Variants in PLCE1 observed in about 807,000 individuals in gnomAD.
PLCE1 encodes the protein 1-phosphatidylinositol 4,5-bisphosphate phosphodiesterase epsilon-1.
A neutral mutation model predicts 242.8 loss-of-function variants in PLCE1; 119 were observed. The observed-to-expected ratio is 0.49, with a 90% CI of 0.42 to 0.57. The LOEUF (loss-of-function observed/expected upper bound fraction) is 0.57. Among genes scored for constraint, PLCE1 ranks in the 20% least tolerant of loss-of-function variants. The probability of loss-of-function intolerance (pLI) is 0.00; values close to 1 mark genes in which losing one functional copy is unlikely to be tolerated. For missense variants in PLCE1, 2,441 were observed against 2,788.8 expected (o/e 0.88, Z 2.81); for synonymous variants, 945 against 1,017.4 (o/e 0.93, Z 1.35).
At chr10:94,238,953 G>C (rs2137382040) in intron 7 of PLCE1, among the ~76,000 whole-genome samples, 1 of 152,254 alleles carries the variant, frequency 6.6e-6, no homozygotes, top group Admixed American at 6.5e-5. Context: ...CATTGCCTGG[G>C]ACTGAATTTT....
At chr10:94,132,102 A>T in intron 2 of PLCE1, 72 bp from the exon 3 acceptor site, 1 of 1,474,822 alleles carries the variant, frequency 6.8e-7, no homozygotes, top group Non-Finnish European at 9.4e-7. Flanking sequence ...TCATCTTGGC[A>T]TTTTGTCAAC....
At chr10:94,214,738 G>A (rs12571461) in intron 4 of PLCE1, among the ~76,000 whole-genome samples, 6,429 of 152,178 alleles carry the variant, frequency 0.042, 409 homozygotes, top group East Asian at 0.29. Flanking sequence ...CACCGCAAGT[G>A]AAAAAGTGAC....
intron 1 of PLCE1, among the ~76,000 whole-genome samples, chr10:94,020,569 T>C (rs1197163682): frequency 2.0e-5 from 3 of 152,216 alleles, no homozygotes; most frequent in Non-Finnish European, 4.4e-5. Flanking sequence ...AATTTTCTCT[T>C]CTGCTTTCTT....
At chr10:94,007,239 T>C (rs1353414636) in intron 1 of PLCE1, among the ~76,000 whole-genome samples, 2 of 150,764 alleles carry the variant, frequency 1.3e-5, no homozygotes, top group East Asian at 3.9e-4. Flanking sequence ...AGTTGAAAAA[T>C]CAGGACTGTA....
At chr10:94,264,208 A>G (rs1436689035) in intron 14 of PLCE1, among the ~76,000 whole-genome samples, 2 of 152,144 alleles carry the variant, frequency 1.3e-5, no homozygotes, top group Non-Finnish European at 2.9e-5. Flanking sequence ...CACTTGGAAG[A>G]GGTGGCATTT....
chr10:94,013,692 A>C (rs889784376), intron 1 of PLCE1, among the ~76,000 whole-genome samples: 1 of 152,232 alleles, frequency 6.6e-6, no homozygotes, highest in Non-Finnish European at 1.5e-5. Flanking sequence ...TGTGCAAATA[A>C]GTAATAAATA....
chr10:94,024,352 G>A (rs2061423504), intron 1 of PLCE1, among the ~76,000 whole-genome samples: 1 of 152,134 alleles, frequency 6.6e-6, no homozygotes, highest in Non-Finnish European at 1.5e-5. Context: ...TCTTTTCCGT[G>A]ATGGTGAAAT....
intron 2 of PLCE1, among the ~76,000 whole-genome samples, chr10:94,079,504 C>T (rs926580965): frequency 7.9e-5 from 12 of 152,112 alleles, no homozygotes; most frequent in South Asian, 2.1e-4. Flanking sequence ...ATGTAGATGA[C>T]GTGTTGTTGG....
chr10:94,071,507 T>TTTTTTTGTTTTTTTTTTTTTG (rs1564662968), intron 2 of PLCE1, among the ~76,000 whole-genome samples: 8 of 137,522 alleles, frequency 5.8e-5, no homozygotes, highest in African/African-American at 2.0e-4. Context: ...TTTTTTTTTT[T>TTTTTTTGTTTTTTTTTTTTTG]TTTTTTTTTG....
intron 2 of PLCE1, among the ~76,000 whole-genome samples, chr10:94,045,312 T>A (rs2061857800): frequency 6.6e-6 from 1 of 152,038 alleles, no homozygotes; most frequent in Non-Finnish European, 1.5e-5. Context: ...ATATATATAT[T>A]TTTTGTAGAG....
chr10:94,048,209 G>A (rs1313424516), intron 2 of PLCE1, among the ~76,000 whole-genome samples: 1 of 151,934 alleles, frequency 6.6e-6, no homozygotes, highest in Non-Finnish European at 1.5e-5. Flanking sequence ...TATGTTTTTG[G>A]TATTTTAAAC....
At position 94,304,531 on chromosome 10, in the gene PLCE1, T is replaced by C; in HGVS notation, c.5508T>C (p.Cys1836=). ...NAAMFEANGG[C]GYVLKPPVLW... is the part of the protein sequence containing the mutation. ...CAATGTTTGAGGCAAATGGTGGTTGTGGTTATGTATTGAAACCTCCAGTTC... is the reference window on the plus strand; with the variant it reads ...CAATGTTTGAGGCAAATGGTGGTTGCGGTTATGTATTGAAACCTCCAGTTC... The change falls in exon 25 of 33, where the codon TGT becomes TGC. Residue 1836 remains cysteine, a synonymous_variant. Transcript: ENST00000371380. The C allele has an allele frequency of 1.9e-6, 3 of 1,614,040 alleles. No individual in the cohort carries two copies. Among genetic ancestry groups the C allele is most frequent in the Non-Finnish European group, 1.7e-6 (2 of 1,179,900 alleles).
At chr10:94,161,998 G>T (rs1169018495) in intron 3 of PLCE1, among the ~76,000 whole-genome samples, 1 of 152,176 alleles carries the variant, frequency 6.6e-6, no homozygotes, top group Non-Finnish European at 1.5e-5. Context: ...GCATCCCAGG[G>T]ATGAAGCCCA....
intron 2 of PLCE1, among the ~76,000 whole-genome samples, chr10:94,055,063 C>G (rs1306128476): frequency 6.7e-6 from 1 of 149,844 alleles, no homozygotes; most frequent in African/African-American, 2.5e-5. Flanking sequence ...AATACAAGGG[C>G]AAGCCTAAAT....
chr10:94,144,295 A>T (rs2047052914), intron 3 of PLCE1, among the ~76,000 whole-genome samples: 1 of 152,114 alleles, frequency 6.6e-6, no homozygotes, highest in Non-Finnish European at 1.5e-5. Context: ...ACTGACTTAT[A>T]CCAGTGTGTG....
At chr10:94,060,258 T>G (rs1361089361) in intron 2 of PLCE1, among the ~76,000 whole-genome samples, 1 of 152,166 alleles carries the variant, frequency 6.6e-6, no homozygotes, top group African/African-American at 2.4e-5. Flanking sequence ...GTTCTAAGAC[T>G]TCAGTGAGGT....
Position 94,258,783 on chromosome 10 carries a change from C to T in PLCE1, c.3555-17C>T. On this transcript the variant is annotated splice_polypyrimidine_tract_variant and intron_variant, in intron 11 of 32. Transcript: ENST00000371380. ...TGGCCTGCCCTTGTGCCCATGAAGG[C>T]CTTGTCTTTGTTGCAGTGCTTGGAG... 1.2e-6 allele frequency: 2 copies of T among 1,613,996 alleles called. No homozygotes were observed. The highest frequency in any genetic ancestry group is 1.7e-6 in the Non-Finnish European group (2 of 1,179,952).
At chr10:94,203,719 T>C (rs537542859) in intron 4 of PLCE1, among the ~76,000 whole-genome samples, 1 of 152,374 alleles carries the variant, frequency 6.6e-6, no homozygotes, top group East Asian at 1.9e-4. Flanking sequence ...CTCTTCTTCC[T>C]GGACTCTGCT....
Position 94,326,886 on chromosome 10 carries a change from C to G in PLCE1, c.*25-1082C>G, listed in dbSNP as rs12221079. Among the ~76,000 whole-genome samples, 6 of 152,294 alleles carry G rather than the reference C, an allele frequency of 3.9e-5. No individual in the cohort carries two copies. In the East Asian group the frequency reaches 9.7e-4, roughly 25 times the overall value. On this transcript the variant is annotated intron_variant, in intron 32 of 32. Coordinates refer to ENST00000371380, the MANE Select transcript of PLCE1 (RefSeq NM_016341.4). ...TTAAAGCTGGGGAGGCCTGGCCAGG[C>G]ACAGTGGCTCACGCCTGTAATCCCA...
Sources: gnomAD v4.1 joint callset for allele counts (sites outside exome capture counted in the v4.1 genomes callset) on GRCh38, gnomAD v4.1.1 for gene constraint, MANE v1.5 for transcripts, NCBI Gene and HGNC (gene_info 2026-07-23, HGNC 2026-07-21) for gene names.